The following NPAS3 variants were observed in gnomAD, a reference collection of about 807,000 sequenced individuals.
NPAS3 encodes neuronal PAS domain-containing protein 3.
NPAS3 carries 14 observed loss-of-function variants against 73.1 expected under a neutral mutation model. That is an observed-to-expected ratio of 0.19 (90% CI 0.13 to 0.30). The LOEUF is 0.30. Among genes scored for constraint, NPAS3 ranks in the 10% least tolerant of loss-of-function variants. NPAS3 has a pLI of 1.00. For synonymous variants in NPAS3, 620 were observed against 541.5 expected (o/e 1.14, Z -2.01); for missense variants, 1,096 against 1,250.0 (o/e 0.88, Z 1.86).
chr14:33,093,318 C>T (rs542853098), intron 2 of NPAS3, among the ~76,000 whole-genome samples: 1 of 152,284 alleles, frequency 6.6e-6, no homozygotes. Flanking sequence ...AGGTTATGAA[C>T]AGTCACTTCT....
intron 3 of NPAS3, among the ~76,000 whole-genome samples, chr14:33,358,370 G>A (rs1010079220): frequency 5.3e-5 from 8 of 152,226 alleles, no homozygotes; most frequent in African/African-American, 1.9e-4. Context: ...TGGGGTCCCA[G>A]TCCTTCAGGT....
intron 5 of NPAS3, among the ~76,000 whole-genome samples, chr14:33,591,976 T>C (rs2057084056): frequency 6.6e-6 from 1 of 152,234 alleles, no homozygotes; most frequent in Non-Finnish European, 1.5e-5. Flanking sequence ...GCTTGTTTTA[T>C]CTTCACAACA....
At chr14:33,715,091 A>G (rs138873799) in intron 6 of NPAS3, among the ~76,000 whole-genome samples, 1 of 152,286 alleles carries the variant, frequency 6.6e-6, no homozygotes, top group Non-Finnish European at 1.5e-5. Context: ...CATTTGACCC[A>G]GATTGTATGT....
intron 1 of NPAS3, among the ~76,000 whole-genome samples, chr14:33,004,685 CTT>C (rs2038926514): frequency 6.6e-6 from 1 of 151,882 alleles, no homozygotes; most frequent in Admixed American, 6.6e-5. Flanking sequence ...ACTTTATAAA[CTT>C]TTGATTTTTA....
chr14:33,502,347 G>A (rs2052558233), intron 4 of NPAS3, among the ~76,000 whole-genome samples: 1 of 151,196 alleles, frequency 6.6e-6, no homozygotes, highest in South Asian at 2.1e-4. Context: ...CTTCTATGCT[G>A]CTAGCGCCCT....
chr14:33,585,308 GA>G (rs2056824057), intron 5 of NPAS3, among the ~76,000 whole-genome samples: 1 of 152,156 alleles, frequency 6.6e-6, no homozygotes, highest in Non-Finnish European at 1.5e-5. Flanking sequence ...GTGATGAGTG[GA>G]AGGAGATAAA....
At chr14:33,309,730 T>C (rs888724401) in intron 3 of NPAS3, among the ~76,000 whole-genome samples, 1 of 152,242 alleles carries the variant, frequency 6.6e-6, no homozygotes, top group African/African-American at 2.4e-5. Flanking sequence ...TATTGCTTAA[T>C]TTTTAAAATG....
rs868472691 is a variant in NPAS3, at chr14:33,159,573, A to T, written c.141-55609A>T. Among the ~76,000 whole-genome samples the T allele has an allele frequency of 3.5e-3, 180 of 51,610 alleles. 2 individuals carry two copies. Among genetic ancestry groups the T allele is most frequent in the South Asian group, 0.025 (46 of 1,840 alleles). The allele number at this position is 51,610 out of a possible 152,430, so 33.9% of individuals were successfully genotyped here. On this transcript the variant is annotated intron_variant, in intron 2 of 11. Coordinates refer to ENST00000356141, the Ensembl canonical transcript of NPAS3. ...ATGAGCTTTTTTTTTTTTTTTTTTG[A>T]GATGGAGTCTTGCTCTGTCGCCCAG...
At chr14:33,244,132 A>G (rs541258656) in intron 3 of NPAS3, among the ~76,000 whole-genome samples, 19 of 149,386 alleles carry the variant, frequency 1.3e-4, no homozygotes, top group African/African-American at 4.2e-4. Flanking sequence ...TGATATCTAC[A>G]TTTGTTAAAA....
At chr14:33,542,910 G>A (rs562762473) in intron 4 of NPAS3, among the ~76,000 whole-genome samples, 28 of 152,312 alleles carry the variant, frequency 1.8e-4, no homozygotes, top group East Asian at 5.8e-4. Context: ...GCCTCAGTGC[G>A]TGGGTGTTAT....
At chr14:33,581,896 T>C (rs2056678854) in intron 5 of NPAS3, among the ~76,000 whole-genome samples, 1 of 152,214 alleles carries the variant, frequency 6.6e-6, no homozygotes, top group Non-Finnish European at 1.5e-5. Flanking sequence ...TATTAATACA[T>C]ACACTTACAA....
chr14:33,474,663 A>T (rs2050939168), intron 4 of NPAS3, among the ~76,000 whole-genome samples: 1 of 152,142 alleles, frequency 6.6e-6, no homozygotes, highest in Admixed American at 6.6e-5. Flanking sequence ...TAGAACAGGG[A>T]AGGAGGGATA....
At chr14:33,131,413 A>C (rs2043629469) in intron 2 of NPAS3, among the ~76,000 whole-genome samples, 1 of 49,676 alleles carries the variant, frequency 2.0e-5, no homozygotes, top group Non-Finnish European at 4.6e-5. Flanking sequence ...ACACCCAGCC[A>C]TGTGTTCATC....
At chr14:33,759,715 G>A (rs1377774819) in intron 7 of NPAS3, among the ~76,000 whole-genome samples, 4 of 152,180 alleles carry the variant, frequency 2.6e-5, no homozygotes, top group African/African-American at 9.6e-5. Context: ...ATGGAAGATT[G>A]TCATTATTTA....
intron 2 of NPAS3, among the ~76,000 whole-genome samples, chr14:33,068,914 C>A (rs903326286): frequency 2.0e-5 from 3 of 152,030 alleles, no homozygotes; most frequent in Non-Finnish European, 4.4e-5. Context: ...TGGCAGGAGA[C>A]AGGTCAGGGA....
At chr14:32,948,285 G>A (rs974143366) in intron 1 of NPAS3, among the ~76,000 whole-genome samples, 1 of 152,022 alleles carries the variant, frequency 6.6e-6, no homozygotes, top group African/African-American at 2.4e-5. Flanking sequence ...GTCCAAAAAT[G>A]GTTTTATTGG....
intron 2 of NPAS3, among the ~76,000 whole-genome samples, chr14:33,119,693 C>T (rs1386205310): frequency 6.6e-6 from 1 of 152,088 alleles, no homozygotes; most frequent in East Asian, 1.9e-4. Flanking sequence ...AACTTGAAAT[C>T]CAGGTAAAGT....
intron 4 of NPAS3, among the ~76,000 whole-genome samples, chr14:33,404,580 C>T (rs1328182098): frequency 6.6e-6 from 1 of 151,918 alleles, no homozygotes; most frequent in Admixed American, 6.6e-5. Context: ...ATAATCAGTC[C>T]ATCAGTATTT....
intron 4 of NPAS3, among the ~76,000 whole-genome samples, chr14:33,445,903 T>A (rs1016462779): frequency 6.6e-6 from 1 of 150,908 alleles, no homozygotes; most frequent in Non-Finnish European, 1.5e-5. Flanking sequence ...CTGAGGCCTG[T>A]GCCTCTTCTT....
Sources: gnomAD v4.1 joint callset for allele counts (sites outside exome capture counted in the v4.1 genomes callset) on GRCh38, gnomAD v4.1.1 for gene constraint, MANE v1.5 for transcripts, NCBI Gene and HGNC (gene_info 2026-07-23, HGNC 2026-07-21) for gene names.